Variants in AKAP6 observed in about 807,000 individuals in gnomAD.
AKAP6 encodes A-kinase anchoring protein 6, also known as A-kinase anchor protein 6.
In AKAP6, 58 loss-of-function variants were observed where a neutral mutation model predicts 188.5. That is an observed-to-expected ratio of 0.31 (90% confidence interval 0.25 to 0.38). The LOEUF (loss-of-function observed/expected upper bound fraction) is 0.38, where lower values mean the gene tolerates loss of function less well. Among genes scored for constraint, AKAP6 ranks in the 10% least tolerant of loss-of-function variants. The pLI is 1.00. For missense variants in AKAP6, 2,710 were observed against 2,740.0 expected (o/e 0.99, Z 0.24); for synonymous variants, 989 against 998.6 (o/e 0.99, Z 0.18).
chr14:32,522,045 A>G (rs1881865185), intron 2 of AKAP6, among the ~76,000 whole-genome samples: 1 of 152,172 alleles, frequency 6.6e-6, no homozygotes, highest in Non-Finnish European at 1.5e-5. Context: ...CACATCTACA[A>G]CCATTTGATC....
intron 7 of AKAP6, among the ~76,000 whole-genome samples, chr14:32,616,049 T>C (rs1034646204): frequency 1.3e-5 from 2 of 152,232 alleles, no homozygotes; most frequent in Non-Finnish European, 2.9e-5. Flanking sequence ...AAATCATTGA[T>C]TGGTGGCTTT....
rs138944322 is a variant in AKAP6 at position 32,815,800 on chromosome 14, A to G, written c.3589-5602A>G. Among the ~76,000 whole-genome samples the G allele has an allele frequency of 7.2e-5, 11 of 152,266 alleles. No individual in the cohort carries two copies. In the South Asian group the frequency reaches 8.3e-4, roughly 11 times the overall value. ...GCTGTGTACCGGGCTCTCCCCTAGG[A>G]CTTTACGTACATTTTAGTAATTTAA... is the stretch of plus-strand genomic sequence containing the variant. On this transcript the variant is annotated intron_variant, in intron 12 of 13. Coordinates refer to ENST00000280979, the MANE Select transcript of AKAP6 (RefSeq NM_004274.5).
intron 12 of AKAP6, among the ~76,000 whole-genome samples, chr14:32,786,525 C>T (rs1416964150): frequency 2.6e-5 from 4 of 151,222 alleles, no homozygotes; most frequent in Admixed American, 6.6e-5. Context: ...GGGGTTTTAC[C>T]GTGTTAGCCA....
rs556851834 is a variant in AKAP6, at chr14:32,820,373, A to C, written c.3589-1029A>C. Among the ~76,000 whole-genome samples the C allele has an allele frequency of 2.5e-3, 386 of 152,256 alleles. 2 individuals are homozygous for C. The highest frequency in any genetic ancestry group is 8.9e-3 in the African/African-American group (371 of 41,542). Reference sequence around the variant, plus strand: ...CAGTGAAGGAATTTGAACAGAGTCCAGGAGCCTAGCCAGCTACTGTGTCCC... The same window carrying C: ...CAGTGAAGGAATTTGAACAGAGTCCCGGAGCCTAGCCAGCTACTGTGTCCC... On this transcript the variant is annotated intron_variant, in intron 12 of 13. Coordinates refer to ENST00000280979, the MANE Select transcript of AKAP6 (RefSeq NM_004274.5).
intron 7 of AKAP6, among the ~76,000 whole-genome samples, chr14:32,675,290 A>C (rs144893453): frequency 0.013 from 1,912 of 152,294 alleles, 51 homozygotes; most frequent in African/African-American, 0.043. Context: ...TCCATCACCG[A>C]GTCTTCTTCC....
At chr14:32,761,614 T>C (rs1447250393) in intron 11 of AKAP6, among the ~76,000 whole-genome samples, 1 of 152,178 alleles carries the variant, frequency 6.6e-6, no homozygotes, top group African/African-American at 2.4e-5. Context: ...AGGTCGCCTG[T>C]GTGTTCTACA....
intron 7 of AKAP6, among the ~76,000 whole-genome samples, chr14:32,619,578 TGTA>T (rs1886729771): frequency 1.3e-5 from 2 of 152,224 alleles, no homozygotes; most frequent in African/African-American, 2.4e-5. Context: ...ACTATAGCCT[TGTA>T]GTATAATTTG....
At position 32,523,191 on chromosome 14, in the gene AKAP6, G is replaced by T. The variant is rs182142633; in HGVS notation, c.325-12363G>T. The stretch of plus-strand genomic sequence containing the variant: ...GGGGCCTGTCTTGGGGTGGGGGAAG[G>T]GGGGGAGGGATAACATTAGGAGATA... On this transcript the variant is annotated intron_variant, in intron 2 of 13. Coordinates refer to ENST00000280979, the MANE Select transcript of AKAP6 (RefSeq NM_004274.5). Among the ~76,000 whole-genome samples, 8 of 152,032 alleles carry T rather than the reference G, an allele frequency of 5.3e-5. No individual in the cohort carries two copies. In the East Asian group the frequency reaches 5.8e-4, roughly 11 times the overall value.
In AKAP6 at chr14:32,372,622, A is replaced by AT. The variant is rs1300031855; in HGVS notation, c.-35+43219dup. 3.3e-5 allele frequency among the ~76,000 whole-genome samples: 5 copies of AT among 151,414 alleles called. No individual in the cohort carries two copies. The East Asian group carries it at 9.7e-4, about 29-fold the overall frequency. ...AAGTAGAGGAACTGGCAAGATTCAGATTTTTGGAATCAAGCATTAAATTAT... is the reference window on the plus strand; with the variant it reads ...AAGTAGAGGAACTGGCAAGATTCAGATTTTTTGGAATCAAGCATTAAATTAT... On this transcript the variant is annotated intron_variant, in intron 1 of 13. Transcript: ENST00000280979.
intron 1 of AKAP6, among the ~76,000 whole-genome samples, chr14:32,431,498 A>G (rs969120339): frequency 2.6e-5 from 4 of 152,024 alleles, no homozygotes; most frequent in Non-Finnish European, 5.9e-5. Flanking sequence ...ATTTATCTGT[A>G]ATTCTCTTTT....
chr14:32,667,184 G>C (rs1240504154), intron 7 of AKAP6, among the ~76,000 whole-genome samples: 1 of 152,060 alleles, frequency 6.6e-6, no homozygotes, highest in Non-Finnish European at 1.5e-5. Context: ...GCCTAAAATG[G>C]AGTGTTTAAC....
chr14:32,591,567 T>C (rs946821485), intron 5 of AKAP6, among the ~76,000 whole-genome samples: 4 of 151,892 alleles, frequency 2.6e-5, no homozygotes, highest in Admixed American at 2.6e-4. Context: ...CTTGGAAATG[T>C]TTTTATTGTC....
intron 9 of AKAP6, among the ~76,000 whole-genome samples, chr14:32,706,810 AAC>A (rs1347970341): frequency 1.3e-5 from 2 of 151,994 alleles, no homozygotes; most frequent in Admixed American, 1.3e-4. Context: ...AAAACACACA[AAC>A]ACACTACACA....
chr14:32,530,480 A>G (rs1181074285), intron 2 of AKAP6, among the ~76,000 whole-genome samples: 1 of 152,138 alleles, frequency 6.6e-6, no homozygotes, highest in Non-Finnish European at 1.5e-5. Flanking sequence ...CCAGATGCAC[A>G]TGGAGCCCTG....
intron 8 of AKAP6, among the ~76,000 whole-genome samples, chr14:32,695,505 T>A (rs953878710): frequency 1.3e-5 from 2 of 152,216 alleles, no homozygotes; most frequent in Non-Finnish European, 2.9e-5. Context: ...TTAGTTAAAT[T>A]GTTATTCTTA....
chr14:32,509,246 T>C (rs1385220929), intron 2 of AKAP6, among the ~76,000 whole-genome samples: 3 of 149,684 alleles, frequency 2.0e-5, no homozygotes, highest in African/African-American at 7.4e-5. Context: ...TACCTCAGCC[T>C]CCTGAGTAGC....
chr14:32,768,141 A>G (rs1566697763), intron 11 of AKAP6, among the ~76,000 whole-genome samples: 1 of 152,188 alleles, frequency 6.6e-6, no homozygotes, highest in East Asian at 1.9e-4. Context: ...CCACAAAACA[A>G]TGATCCCAAA....
Position 32,643,951 on chromosome 14 carries a change from T to C in AKAP6, c.2731-34360T>C, listed in dbSNP as rs548617633. 7.2e-5 allele frequency among the ~76,000 whole-genome samples: 11 copies of C among 152,266 alleles called. No individual in the cohort carries two copies. The South Asian group carries it at 2.3e-3, about 32-fold the overall frequency. ...ATAATGCTGACTGCAGTTATTTGCC[T>C]TTTCCCCCTATTTCTTGTAGATATA... On this transcript the variant is annotated intron_variant, in intron 7 of 13. Transcript: ENST00000280979.
intron 3 of AKAP6, among the ~76,000 whole-genome samples, chr14:32,541,204 C>T (rs1057012309): frequency 3.9e-5 from 6 of 152,092 alleles, no homozygotes; most frequent in Admixed American, 2.0e-4. Flanking sequence ...AGAGAGCTTC[C>T]TCTGAAGCAT....
Sources: gnomAD v4.1 joint callset for allele counts (sites outside exome capture counted in the v4.1 genomes callset) on GRCh38, gnomAD v4.1.1 for gene constraint, MANE v1.5 for transcripts, NCBI Gene and HGNC (gene_info 2026-07-23, HGNC 2026-07-21) for gene names.